Variants in GPR83 observed in about 807,000 individuals in gnomAD.
The protein encoded by GPR83 is G protein-coupled receptor 83.
Under a neutral mutation model 28.0 loss-of-function variants are expected in GPR83, and 23 were observed. The observed-to-expected ratio is 0.82, with a 90% CI of 0.59 to 1.16. The LOEUF (loss-of-function observed/expected upper bound fraction) is 1.16. GPR83 is among the 50% of genes most tolerant of loss of function. The pLI is 0.00. For missense variants in GPR83, 610 were observed against 536.6 expected (o/e 1.14, Z -1.35); for synonymous variants, 234 against 215.4 (o/e 1.09, Z -0.76).
At position 94,380,787 on chromosome 11, in the gene GPR83, G is replaced by A; in HGVS notation, c.648-14C>T. 4 of 1,597,306 alleles carry A rather than the reference G, an allele frequency of 2.5e-6. No homozygotes were observed. Among genetic ancestry groups the A allele is most frequent in the Non-Finnish European group, 3.4e-6 (4 of 1,171,726 alleles). On this transcript the variant is annotated splice_polypyrimidine_tract_variant and intron_variant, in intron 3 of 3. Coordinates refer to ENST00000243673, the MANE Select transcript of GPR83 (RefSeq NM_016540.4). ...ACAATGTCCTCACTGGGGGCAGGAAGTGGGGAGGGGGAGAGAGGTAACAGA... is the reference window on the plus strand; with the variant it reads ...ACAATGTCCTCACTGGGGGCAGGAAATGGGGAGGGGGAGAGAGGTAACAGA...
At chr11:94,382,979 A>C (rs1944709538) in intron 3 of GPR83, among the ~76,000 whole-genome samples, 1 of 151,840 alleles carries the variant, frequency 6.6e-6, no homozygotes, top group Non-Finnish European at 1.5e-5. Flanking sequence ...CCCGGCTAAC[A>C]CAGTGAAACC....
In GPR83 at chr11:94,389,506, G is replaced by A. The variant is rs181975819; in HGVS notation, c.647+3979C>T. Among the ~76,000 whole-genome samples, 53 of 152,262 alleles carry A rather than the reference G, an allele frequency of 3.5e-4. No homozygotes were observed. In the East Asian group the frequency reaches 7.7e-3, roughly 22 times the overall value. ...AAATCAACCCCATCAACAAGTGGGCGAAGGATATGAACCAACACTTCTCAA... is the reference window on the plus strand; with the variant it reads ...AAATCAACCCCATCAACAAGTGGGCAAAGGATATGAACCAACACTTCTCAA... On this transcript the variant is annotated intron_variant, in intron 3 of 3. Transcript: ENST00000243673.
At chr11:94,400,473 CAG>C (rs2134699282) in intron 1 of GPR83, among the ~76,000 whole-genome samples, 1 of 140,784 alleles carries the variant, frequency 7.1e-6, no homozygotes, top group Non-Finnish European at 1.5e-5. Context: ...AATAAAATCA[CAG>C]AGAGACTGAC....
rs1591597778 is a variant in GPR83, at chr11:94,377,378, A to G, written c.*2771T>C. The G allele has an allele frequency of 6.6e-6, 1 of 152,356 alleles. No homozygotes were observed. The highest frequency in any genetic ancestry group is 1.5e-5 in the Non-Finnish European group (1 of 68,036). The allele number at this position is 152,356 out of a possible 1,614,324, so 9.4% of individuals were successfully genotyped here. On this transcript the variant is annotated 3_prime_UTR_variant, in exon 4 of 4. Coordinates refer to ENST00000243673, the MANE Select transcript of GPR83 (RefSeq NM_016540.4). ...TTTACAATAAAACACTTTACAGCACATTGGAAAAACTCAAGTTTCACAAAT... is the reference window on the plus strand; with the variant it reads ...TTTACAATAAAACACTTTACAGCACGTTGGAAAAACTCAAGTTTCACAAAT...
rs900933633 is a variant in GPR83 at position 94,379,383 on chromosome 11, A to G, written c.*766T>C. 1.1e-4 allele frequency: 16 copies of G among 151,504 alleles called. No individual in the cohort carries two copies. The highest frequency in any genetic ancestry group is 7.4e-5 in the Non-Finnish European group (5 of 67,892). The allele number at this position is 151,504 out of a possible 1,614,324, so 9.4% of individuals were successfully genotyped here. On this transcript the variant is annotated 3_prime_UTR_variant, in exon 4 of 4. Transcript: ENST00000243673. Reference sequence around the variant, plus strand: ...GAGATTCCATCTCAAAAAAAAAAAAAAAAAGAAAAAAAAAAGGTCATGCAC... The same window carrying G: ...GAGATTCCATCTCAAAAAAAAAAAAGAAAAGAAAAAAAAAAGGTCATGCAC...
intron 3 of GPR83, among the ~76,000 whole-genome samples, chr11:94,388,726 A>G (rs1467266324): frequency 2.0e-5 from 3 of 152,244 alleles, no homozygotes; most frequent in Admixed American, 1.3e-4. Context: ...AAGAATCAGT[A>G]TTGTGAAAAT....
At position 94,377,778 on chromosome 11, in the gene GPR83, G is replaced by A. The variant is rs1432405410; in HGVS notation, c.*2371C>T. 1 of 152,152 alleles carries A rather than the reference G, an allele frequency of 6.6e-6. No individual in the cohort carries two copies. Among genetic ancestry groups the A allele is most frequent in the East Asian group, 1.9e-4 (1 of 5,196 alleles). 9.4% of individuals were successfully genotyped at this position (152,152 alleles called of 1,614,324 possible). On this transcript the variant is annotated 3_prime_UTR_variant, in exon 4 of 4. Coordinates refer to ENST00000243673, the MANE Select transcript of GPR83 (RefSeq NM_016540.4). The stretch of plus-strand genomic sequence containing the variant: ...AAGTGTTCTCAGAGCATTTAAGGTA[G>A]GCTTGGCTAAGCTACGATGTTCAGT...
intron 3 of GPR83, among the ~76,000 whole-genome samples, chr11:94,386,746 T>C (rs950416129): frequency 2.0e-5 from 3 of 152,142 alleles, no homozygotes; most frequent in Non-Finnish European, 4.4e-5. Context: ...TAACACCACA[T>C]TGTCAACATT....
chr11:94,401,280 C>A lies in GPR83; in HGVS notation c.-33G>T, dbSNP rs747279691. 4.5e-6 allele frequency: 7 copies of A among 1,543,312 alleles called. No homozygotes were observed. Among genetic ancestry groups the A allele is most frequent in the Middle Eastern group, 2.3e-4 (1 of 4,262 alleles). On this transcript the variant is annotated 5_prime_UTR_variant, in exon 1 of 4. Transcript: ENST00000243673. The stretch of plus-strand genomic sequence containing the variant: ...GAGCCACCCCTCCCCTGGGAGCCTG[C>A]GGGCCGGGCGTCCCCTCCCGCTGGG...
intron 3 of GPR83, among the ~76,000 whole-genome samples, chr11:94,382,751 C>G (rs140371707): frequency 6.6e-6 from 1 of 152,160 alleles, no homozygotes; most frequent in Admixed American, 6.5e-5. Context: ...TACCTCATCA[C>G]ACTTATTCTA....
At position 94,401,381 on chromosome 11, in the gene GPR83, G is replaced by T. The variant is rs1338089104; in HGVS notation, c.-134C>A. 6.1e-6 allele frequency: 5 copies of T among 816,180 alleles called. No individual in the cohort carries two copies. The highest frequency in any genetic ancestry group is 3.8e-4 in the Middle Eastern group (1 of 2,602). The allele number at this position is 816,180 out of a possible 1,614,324, so 50.6% of individuals were successfully genotyped here. ...GAGGAGCCAGGGAGCCCGGACGCGC[G>T]GAGCACCGCGCCGCCCGCCACCAGC... On this transcript the variant is annotated 5_prime_UTR_variant, in exon 1 of 4. Coordinates refer to ENST00000243673, the MANE Select transcript of GPR83 (RefSeq NM_016540.4).
intron 3 of GPR83, among the ~76,000 whole-genome samples, chr11:94,382,594 C>A (rs565373753): frequency 2.0e-4 from 30 of 152,142 alleles, no homozygotes; most frequent in African/African-American, 7.0e-4. Flanking sequence ...GGAGACTTCA[C>A]CACCCCACTG....
At position 94,378,203 on chromosome 11, in the gene GPR83, C is replaced by T. The variant is rs756628843; in HGVS notation, c.*1946G>A. The T allele has an allele frequency of 2.0e-5, 3 of 152,148 alleles. No homozygotes were observed. The highest frequency in any genetic ancestry group is 4.4e-5 in the Non-Finnish European group (3 of 68,042). The allele number at this position is 152,148 out of a possible 1,614,324, so 9.4% of individuals were successfully genotyped here. ...ATCTTGTGTCTTGAAAATTTTCAACCATCTTCATAAATAGAAACTAGGATA... is the reference window on the plus strand; with the variant it reads ...ATCTTGTGTCTTGAAAATTTTCAACTATCTTCATAAATAGAAACTAGGATA... On this transcript the variant is annotated 3_prime_UTR_variant, in exon 4 of 4. Transcript: ENST00000243673.
Position 94,379,913 on chromosome 11 carries a change from TGTGCCTCCCA to T in GPR83, c.*226_*235del, listed in dbSNP as rs1280148636. 8.1e-6 allele frequency: 3 copies of T among 372,298 alleles called. No homozygotes were observed. 23.1% of individuals were successfully genotyped at this position (372,298 alleles called of 1,614,324 possible). On this transcript the variant is annotated 3_prime_UTR_variant, in exon 4 of 4. Transcript: ENST00000243673. ...CCTCTTCCTCAGAGATACAGGCTGC[TGTGCCTCCCA>T]GTGTTTCTTAGATGGGAATTTATGA...
At chr11:94,384,011 C>T (rs1944720437) in intron 3 of GPR83, among the ~76,000 whole-genome samples, 1 of 152,160 alleles carries the variant, frequency 6.6e-6, no homozygotes, top group South Asian at 2.1e-4. Flanking sequence ...GATACCAAAA[C>T]CTGGCAGAGA....
intron 3 of GPR83, among the ~76,000 whole-genome samples, chr11:94,386,147 C>G (rs182740700): frequency 2.0e-5 from 3 of 152,232 alleles, no homozygotes; most frequent in Admixed American, 2.0e-4. Flanking sequence ...TAAGCAAATG[C>G]TGAGAGACTC....
At chr11:94,392,825 C>CA (rs61184055) in intron 3 of GPR83, among the ~76,000 whole-genome samples, 2,286 of 141,346 alleles carry the variant, frequency 0.016, 63 homozygotes, top group African/African-American at 0.052. Flanking sequence ...GACTCTGTCT[C>CA]AAAAAAAAAA....
chr11:94,394,218 T>C (rs1307123928), intron 2 of GPR83, among the ~76,000 whole-genome samples: 2 of 152,186 alleles, frequency 1.3e-5, no homozygotes, highest in African/African-American at 2.4e-5. Flanking sequence ...CCTTAGATTA[T>C]GATGGACTCT....
At chr11:94,381,531 A>T (rs2134681575) in intron 3 of GPR83, among the ~76,000 whole-genome samples, 2 of 148,296 alleles carry the variant, frequency 1.3e-5, no homozygotes, top group Non-Finnish European at 3.0e-5. Context: ...GTTTCTCTTG[A>T]CCCTGCTTTT....
Sources: allele counts gnomAD v4.1 joint callset (sites outside exome capture counted in the v4.1 genomes callset), GRCh38; gene constraint gnomAD v4.1.1; transcripts MANE v1.5; gene names NCBI Gene and HGNC (gene_info 2026-07-23, HGNC 2026-07-21).